NCKAP5: variants seen among roughly 807,000 people sequenced by gnomAD.
The protein encoded by NCKAP5 is NCK associated protein 5, also known as nck-associated protein 5.
In NCKAP5, 92 loss-of-function variants were observed where a neutral mutation model predicts 167.0. The observed-to-expected ratio is 0.55, with a 90% CI of 0.47 to 0.66. NCKAP5 has a LOEUF of 0.66. Among genes scored for constraint, NCKAP5 ranks in the 30% least tolerant of loss-of-function variants. The probability of loss-of-function intolerance (pLI) is 0.00; values close to 1 mark genes in which losing one functional copy is unlikely to be tolerated. For missense variants in NCKAP5, 2,378 were observed against 2,315.0 expected, an observed-to-expected ratio of 1.03 and a Z score of -0.56; for synonymous variants, 891 against 877.4, an observed-to-expected ratio of 1.02 and a Z score of -0.27.
chr2:133,045,988 C>T (rs1399583976), intron 6 of NCKAP5, among the ~76,000 whole-genome samples: 1 of 152,156 alleles, frequency 6.6e-6, no homozygotes, highest in Non-Finnish European at 1.5e-5. Context: ...AGGTGGGTAG[C>T]GTCTACAGTG....
intron 3 of NCKAP5, among the ~76,000 whole-genome samples, chr2:133,317,512 G>A (rs867622114): frequency 6.6e-6 from 1 of 152,110 alleles, no homozygotes; most frequent in Admixed American, 6.5e-5. Context: ...TTCTGTGCAG[G>A]TGTGGAGGCG....
At chr2:133,181,603 C>CA (rs34264277) in intron 5 of NCKAP5, among the ~76,000 whole-genome samples, 23,991 of 70,986 alleles carry the variant, frequency 0.34, 3,939 homozygotes, top group East Asian at 0.67. Flanking sequence ...CCCATCTCTA[C>CA]AAAAAAAAAA....
intron 6 of NCKAP5, among the ~76,000 whole-genome samples, chr2:132,999,928 A>G (rs1291029422): frequency 6.6e-6 from 1 of 152,192 alleles, no homozygotes; most frequent in Non-Finnish European, 1.5e-5. Context: ...ATTCTCCCCA[A>G]CTCACACTGA....
Position 133,133,849 on chromosome 2 carries a change from C to T in NCKAP5, c.208-3738G>A, listed in dbSNP as rs1037585331. ...GAGGACTGAAAAGAGAGGCAGGAAG[C>T]TTGCTCTGTTTCCATGGTTAGAAAT... On this transcript the variant is annotated intron_variant, in intron 5 of 19. Transcript: ENST00000409261. 2.9e-4 allele frequency among the ~76,000 whole-genome samples: 44 copies of T among 152,202 alleles called. 2 individuals are homozygous for T. The highest frequency in any genetic ancestry group is 1.8e-3 in the Admixed American group (28 of 15,288).
intron 3 of NCKAP5, among the ~76,000 whole-genome samples, chr2:133,378,028 G>T (rs949926586): frequency 3.3e-5 from 5 of 152,084 alleles, no homozygotes; most frequent in African/African-American, 9.7e-5. Context: ...ATGAACCACC[G>T]GCTTTTTGGA....
intron 3 of NCKAP5, among the ~76,000 whole-genome samples, chr2:133,368,866 T>C (rs1267127154): frequency 1.3e-5 from 2 of 152,212 alleles, no homozygotes; most frequent in Non-Finnish European, 2.9e-5. Context: ...CAAATTCCTA[T>C]GAATTCAGAG....
chr2:133,598,902 C>T, the NCKAP5 span, among the ~76,000 whole-genome samples: 15 of 152,294 alleles, frequency 9.8e-5, no homozygotes, highest in South Asian at 2.1e-3. Flanking sequence ...CCCTCCCAGC[C>T]CCATCCTAGC....
chr2:132,988,621 G>A (rs961222773), intron 7 of NCKAP5, among the ~76,000 whole-genome samples: 1 of 152,128 alleles, frequency 6.6e-6, no homozygotes, highest in African/African-American at 2.4e-5. Flanking sequence ...CTTCCCTTAG[G>A]GCAGACAGAG....
chr2:133,320,072 T>G (rs914039347), intron 3 of NCKAP5, among the ~76,000 whole-genome samples: 1 of 152,100 alleles, frequency 6.6e-6, no homozygotes, highest in African/African-American at 2.4e-5. Flanking sequence ...GGACAGCACA[T>G]GTATGGATGC....
intron 11 of NCKAP5, among the ~76,000 whole-genome samples, chr2:132,840,535 C>T (rs1387713113): frequency 6.6e-6 from 1 of 152,096 alleles, no homozygotes; most frequent in Non-Finnish European, 1.5e-5. Context: ...CCTTGGCATC[C>T]CAAAGTGCTG....
intron 7 of NCKAP5, among the ~76,000 whole-genome samples, chr2:132,964,511 T>C (rs2076604053): frequency 6.6e-6 from 1 of 152,168 alleles, no homozygotes; most frequent in African/African-American, 2.4e-5. Context: ...CAACCTTGTC[T>C]CTGGAAGCTT....
intron 19 of NCKAP5, among the ~76,000 whole-genome samples, chr2:132,711,923 A>G (rs1019494795): frequency 2.6e-5 from 4 of 152,168 alleles, no homozygotes; most frequent in African/African-American, 9.7e-5. Flanking sequence ...CTTATTAGAA[A>G]TGGGGAGAAT....
At chr2:133,639,207 C>T in the NCKAP5 span, among the ~76,000 whole-genome samples, 4 of 152,072 alleles carry the variant, frequency 2.6e-5, no homozygotes, top group Non-Finnish European at 5.9e-5. Context: ...GGAAGTCCCA[C>T]GTATTACTGG....
At chr2:133,548,302 C>G (rs12621520) in intron 2 of NCKAP5, among the ~76,000 whole-genome samples, 12,288 of 152,162 alleles carry the variant, frequency 0.081, 634 homozygotes, top group East Asian at 0.28. Flanking sequence ...GGAAAACACT[C>G]TGCAGGATAT....
intron 5 of NCKAP5, among the ~76,000 whole-genome samples, chr2:133,211,008 C>T (rs1266213229): frequency 2.7e-5 from 4 of 149,424 alleles, no homozygotes; most frequent in Non-Finnish European, 5.9e-5. Context: ...CCCCCCCAAC[C>T]CCATCACTTT....
chr2:133,438,924 G>A (rs898943877), intron 3 of NCKAP5, among the ~76,000 whole-genome samples: 1 of 152,184 alleles, frequency 6.6e-6, no homozygotes, highest in African/African-American at 2.4e-5. Context: ...TTTTCTCTGA[G>A]AAGTTGGTGG....
intron 8 of NCKAP5, 39 bp downstream of exon 8, chr2:132,963,680 TA>T: frequency 6.3e-7 from 1 of 1,598,502 alleles, no homozygotes; most frequent in East Asian, 2.2e-5. Context: ...AGAATACTGT[TA>T]TTTTTCTTGA....
intron 19 of NCKAP5, among the ~76,000 whole-genome samples, chr2:132,713,020 T>C (rs972579123): frequency 6.6e-6 from 1 of 152,152 alleles, no homozygotes; most frequent in Non-Finnish European, 1.5e-5. Flanking sequence ...TGACATGGAA[T>C]GATCTCCAGG....
intron 5 of NCKAP5, among the ~76,000 whole-genome samples, chr2:133,205,898 T>G (rs576800568): frequency 6.6e-6 from 1 of 152,172 alleles, no homozygotes; most frequent in East Asian, 1.9e-4. Context: ...GGGCTGATGA[T>G]TGATATGTAG....
Sources: allele counts gnomAD v4.1 joint callset (sites outside exome capture counted in the v4.1 genomes callset), GRCh38; gene constraint gnomAD v4.1.1; transcripts MANE v1.5; gene names NCBI Gene and HGNC (gene_info 2026-07-23, HGNC 2026-07-21).